PDE4D: variants seen among roughly 807,000 people sequenced by gnomAD.
PDE4D encodes 3',5'-cyclic-AMP phosphodiesterase 4D.
In PDE4D, 24 loss-of-function variants were observed where a neutral mutation model predicts 87.4. The observed-to-expected ratio is 0.27, with a 90% CI of 0.20 to 0.39. PDE4D has a LOEUF of 0.39. Ranked by LOEUF, PDE4D falls within the 10% of genes least tolerant of loss-of-function variation. The probability of loss-of-function intolerance (pLI) is 1.00; values close to 1 mark genes in which losing one functional copy is unlikely to be tolerated. For synonymous variants in PDE4D, 384 were observed against 383.2 expected, an observed-to-expected ratio of 1.00 and a Z score of -0.02; for missense variants, 714 against 1,041.0, an observed-to-expected ratio of 0.69 and a Z score of 4.32.
At chr5:60,169,180 G>C (rs945185660) in intron 2 of PDE4D, among the ~76,000 whole-genome samples, 3 of 152,148 alleles carry the variant, frequency 2.0e-5, no homozygotes, top group East Asian at 3.9e-4. Flanking sequence ...AAGGAAGTTT[G>C]TTTGTCAAGG....
chr5:59,433,576 T>C (rs1796406498), intron 1 of PDE4D, among the ~76,000 whole-genome samples: 1 of 152,072 alleles, frequency 6.6e-6, no homozygotes, highest in South Asian at 2.1e-4. Context: ...GAGAGTTTAA[T>C]TTCATCTAAA....
At chr5:60,281,021 T>G in intron 1 of PDE4D, among the ~76,000 whole-genome samples, 1 of 152,176 alleles carries the variant, frequency 6.6e-6, no homozygotes, top group African/African-American at 2.4e-5. Flanking sequence ...TTCAGGCACC[T>G]GCTTAAGTTC....
At chr5:59,641,880 T>C (rs1580093762) in intron 1 of PDE4D, among the ~76,000 whole-genome samples, 1 of 152,208 alleles carries the variant, frequency 6.6e-6, no homozygotes, top group Non-Finnish European at 1.5e-5. Flanking sequence ...TATTGCAATA[T>C]TAAATGTACA....
chr5:59,654,701 A>AC lies in PDE4D; in HGVS notation c.455+238466dup, dbSNP rs571931092. On this transcript the variant is annotated intron_variant, in intron 1 of 14. Coordinates refer to ENST00000340635, the MANE Select transcript of PDE4D (RefSeq NM_001104631.2). Reference sequence around the variant, plus strand: ...ACACAATTTAGAATATTTTCAGTACACCCCCCAAACCCTTTGACCCTCAAT... The same window carrying AC: ...ACACAATTTAGAATATTTTCAGTACACCCCCCCAAACCCTTTGACCCTCAAT... 1.6e-3 allele frequency among the ~76,000 whole-genome samples: 242 copies of AC among 151,688 alleles called. 2 individuals carry two copies. The highest frequency in any genetic ancestry group is 5.6e-3 in the African/African-American group (233 of 41,332).
At chr5:60,371,889 T>G (rs76648627) in intron 1 of PDE4D, among the ~76,000 whole-genome samples, 2,754 of 152,318 alleles carry the variant, frequency 0.018, 73 homozygotes, top group African/African-American at 0.064. Flanking sequence ...CACCAAACAT[T>G]AGTGAGTTGT....
chr5:60,023,450 C>T (rs142024027), intron 2 of PDE4D, among the ~76,000 whole-genome samples: 1 of 152,134 alleles, frequency 6.6e-6, no homozygotes, highest in Non-Finnish European at 1.5e-5. Context: ...CAATAATTTC[C>T]TAGACCTCAG....
intron 1 of PDE4D, among the ~76,000 whole-genome samples, chr5:59,308,729 C>A (rs779224622): frequency 6.6e-6 from 1 of 151,950 alleles, no homozygotes; most frequent in Admixed American, 6.6e-5. Flanking sequence ...TATTTTTGTG[C>A]TGGCTGGTCT....
intron 5 of PDE4D, among the ~76,000 whole-genome samples, chr5:59,156,335 G>A (rs62356733): frequency 0.32 from 16,555 of 51,458 alleles, 1,213 homozygotes; most frequent in African/African-American, 0.35. Flanking sequence ...ATATATATGT[G>A]TGTGTGTGTG....
chr5:60,134,710 C>T (rs763626396), intron 2 of PDE4D, among the ~76,000 whole-genome samples: 40 of 151,972 alleles, frequency 2.6e-4, no homozygotes, highest in Admixed American at 8.5e-4. Flanking sequence ...CCTAGTATAA[C>T]GTAAATGTTA....
At chr5:59,009,614 G>A (rs907568982) in intron 6 of PDE4D, among the ~76,000 whole-genome samples, 4 of 151,938 alleles carry the variant, frequency 2.6e-5, no homozygotes, top group Non-Finnish European at 5.9e-5. Flanking sequence ...AAAAGCAAGA[G>A]AAAACTTTTT....
At chr5:59,127,498 G>A (rs1479220951) in intron 5 of PDE4D, among the ~76,000 whole-genome samples, 2 of 151,914 alleles carry the variant, frequency 1.3e-5, no homozygotes, top group South Asian at 4.2e-4. Flanking sequence ...GAGCGGGCGT[G>A]TGCACAGGAG....
intron 5 of PDE4D, among the ~76,000 whole-genome samples, chr5:59,053,638 G>GTTTTTTTTTTTTTTTTTTTTT (rs1205199951): frequency 3.5e-5 from 3 of 84,666 alleles, no homozygotes. Flanking sequence ...AAGTTGTTTT[G>GTTTTTTTTTTTTTTTTTTTTT]TTTTTTGTTT....
At chr5:59,339,850 C>T (rs1778400752) in intron 1 of PDE4D, among the ~76,000 whole-genome samples, 1 of 152,100 alleles carries the variant, frequency 6.6e-6, no homozygotes, top group African/African-American at 2.4e-5. Flanking sequence ...CATTCAAATG[C>T]ATCTTCACAA....
chr5:59,106,431 G>T (rs1465595232), intron 5 of PDE4D, among the ~76,000 whole-genome samples: 1 of 152,124 alleles, frequency 6.6e-6, no homozygotes, highest in Non-Finnish European at 1.5e-5. Flanking sequence ...TTTTTCCAAG[G>T]TAAGACATTA....
chr5:59,191,402 T>C (rs1272525014), intron 3 of PDE4D, among the ~76,000 whole-genome samples: 1 of 151,900 alleles, frequency 6.6e-6, no homozygotes, highest in Non-Finnish European at 1.5e-5. Context: ...ATATATTTTT[T>C]CTTATAATAA....
Position 59,997,838 on chromosome 5 carries a change from C to T in PDE4D, c.43-9121G>A, listed in dbSNP as rs902988083. ...ATATTGTATAGGTAGCTACTTGATTCTTATAAAAACTGTACAAAAAACTGT... is the reference window on the plus strand; with the variant it reads ...ATATTGTATAGGTAGCTACTTGATTTTTATAAAAACTGTACAAAAAACTGT... On this transcript the variant is annotated intron_variant, in intron 2 of 16. Transcript: ENST00000502484. Among the ~76,000 whole-genome samples the T allele has an allele frequency of 2.0e-5, 3 of 152,090 alleles. 1 individual carries two copies. Among genetic ancestry groups the T allele is most frequent in the South Asian group, 4.1e-4 (2 of 4,820 alleles).
intron 1 of PDE4D, among the ~76,000 whole-genome samples, chr5:59,740,734 A>T (rs1034889806): frequency 3.9e-5 from 6 of 152,198 alleles, no homozygotes; most frequent in African/African-American, 1.4e-4. Context: ...AGCACTTTGC[A>T]CTGAAGAGGA....
chr5:59,845,963 C>T (rs1308202075), intron 1 of PDE4D, among the ~76,000 whole-genome samples: 7 of 151,986 alleles, frequency 4.6e-5, no homozygotes, highest in Admixed American at 3.9e-4. Flanking sequence ...AGTAGGTGAG[C>T]ATGCTCTACA....
At chr5:60,039,978 T>G (rs1002391219) in intron 2 of PDE4D, among the ~76,000 whole-genome samples, 2 of 152,252 alleles carry the variant, frequency 1.3e-5, no homozygotes, top group Non-Finnish European at 2.9e-5. Flanking sequence ...ATTTTATTTT[T>G]ATCATTCATT....
Sources: gnomAD v4.1 joint callset for allele counts (sites outside exome capture counted in the v4.1 genomes callset) on GRCh38, gnomAD v4.1.1 for gene constraint, MANE v1.5 for transcripts, NCBI Gene and HGNC (gene_info 2026-07-23, HGNC 2026-07-21) for gene names.